The following KCNA2 variants were observed in gnomAD, a reference collection of about 807,000 sequenced individuals.
KCNA2 encodes the protein potassium voltage-gated channel subfamily A member 2.
In KCNA2, 11 loss-of-function variants were observed where a neutral mutation model predicts 33.4. That is an observed-to-expected ratio of 0.33 (90% CI 0.21 to 0.55). The LOEUF (loss-of-function observed/expected upper bound fraction) is 0.55, where lower values mean the gene tolerates loss of function less well. Among genes scored for constraint, KCNA2 ranks in the 20% least tolerant of loss-of-function variants. The probability of loss-of-function intolerance (pLI) is 0.93; values close to 1 mark genes in which losing one functional copy is unlikely to be tolerated. For synonymous variants in KCNA2, 222 were observed against 231.3 expected (o/e 0.96, Z 0.37); for missense variants, 291 against 621.6 (o/e 0.47, Z 5.66).
intron 1 of KCNA2, among the ~76,000 whole-genome samples, chr1:110,615,597 C>A (rs1049555563): frequency 7.9e-5 from 12 of 152,216 alleles, no homozygotes; most frequent in African/African-American, 2.9e-4. Flanking sequence ...TAAAGGCAAT[C>A]CCTTGGCACT....
Position 110,600,578 on chromosome 1 carries a change from G to A in KCNA2, c.*2705C>T. ...TGTTTTATGTTTGTGTGTGACAACA[G>A]TGTACCTATTTTGTGGTGAATGTGC... On this transcript the variant is annotated 3_prime_UTR_variant, in exon 3 of 3. Transcript: ENST00000316361. 1 of 985,362 alleles carries A rather than the reference G, an allele frequency of 1.0e-6. No homozygotes were observed. Among genetic ancestry groups the A allele is most frequent in the Non-Finnish European group, 1.2e-6 (1 of 829,926 alleles). 61.0% of individuals were successfully genotyped at this position (985,362 alleles called of 1,614,324 possible).
Position 110,599,159 on chromosome 1 carries a change from GGAGT to G in KCNA2, c.*4120_*4123del. 1 of 985,470 alleles carries G rather than the reference GGAGT, an allele frequency of 1.0e-6. No homozygotes were observed. The highest frequency in any genetic ancestry group is 1.2e-6 in the Non-Finnish European group (1 of 829,960). 61.0% of individuals were successfully genotyped at this position (985,470 alleles called of 1,614,324 possible). On this transcript the variant is annotated 3_prime_UTR_variant, in exon 3 of 3. Coordinates refer to ENST00000316361, the MANE Select transcript of KCNA2 (RefSeq NM_004974.4). Reference sequence around the variant, plus strand: ...GGGATGGCTGCAGGAGCAGAAATCAGGAGTGAGGCCTGATCCAAAGCCTGACTGC... The same window carrying G: ...GGGATGGCTGCAGGAGCAGAAATCAGGAGGCCTGATCCAAAGCCTGACTGC...
Position 110,603,622 on chromosome 1 carries a change from T to C in KCNA2, c.1161A>G (p.Gly387=). Residue 387 remains glycine, a synonymous_variant, in exon 3 of 3, where the codon GGA becomes GGG. Coordinates refer to ENST00000316361, the MANE Select transcript of KCNA2 (RefSeq NM_004974.4). The surrounding 1 kb of genome is among the most constrained non-coding windows in gnomAD (Gnocchi z 5.7). ...TCGCACATAGGGAACCCACTATCTT[T>C]CCCCCAATGGTAGTCGGAACCATGT... ...YGDMVPTTIG[G]KIVGSLCAIA... is the part of the protein sequence containing the mutation. The C allele has an allele frequency of 1.2e-6, 2 of 1,614,000 alleles. No individual in the cohort carries two copies. The highest frequency in any genetic ancestry group is 1.7e-6 in the Non-Finnish European group (2 of 1,180,010).
chr1:110,621,678 C>A (rs1249967947), intron 1 of KCNA2, among the ~76,000 whole-genome samples: 3 of 152,030 alleles, frequency 2.0e-5, no homozygotes. Flanking sequence ...CTCTACAGAC[C>A]TCAAAAGGAC....
chr1:110,623,962 C>T (rs754853501), intron 1 of KCNA2, among the ~76,000 whole-genome samples: 4 of 150,224 alleles, frequency 2.7e-5, no homozygotes, highest in Non-Finnish European at 5.9e-5. Context: ...TATCACTACA[C>T]ACTACAAAAC....
chr1:110,614,724 A>G (rs1052922349), intron 1 of KCNA2, among the ~76,000 whole-genome samples: 6 of 152,158 alleles, frequency 3.9e-5, no homozygotes, highest in African/African-American at 1.2e-4. Context: ...AAGCAGATGA[A>G]TGCATATACC....
At chr1:110,620,900 C>T (rs1319748710) in intron 1 of KCNA2, among the ~76,000 whole-genome samples, 2 of 152,148 alleles carry the variant, frequency 1.3e-5, no homozygotes, top group Non-Finnish European at 2.9e-5. Context: ...TTGTAACAAC[C>T]AACATAGCTT....
In KCNA2 at chr1:110,599,218, T is replaced by G; in HGVS notation, c.*4065A>C. The G allele has an allele frequency of 2.0e-6, 2 of 985,446 alleles. No individual in the cohort carries two copies. Among genetic ancestry groups the G allele is most frequent in the Non-Finnish European group, 2.4e-6 (2 of 829,942 alleles). The allele number at this position is 985,446 out of a possible 1,614,324, so 61.0% of individuals were successfully genotyped here. On this transcript the variant is annotated 3_prime_UTR_variant, in exon 3 of 3. Transcript: ENST00000316361. ...CTTTACTTCCGATGTAGGTGAAGCC[T>G]TTGCTAAAATGCACTCAGCTCTCAG...
At chr1:110,607,077 C>G (rs1212409016), upstream of KCNA2, among the ~76,000 whole-genome samples, 1 of 152,100 alleles carries the variant, frequency 6.6e-6, no homozygotes, top group Non-Finnish European at 1.5e-5. Flanking sequence ...TTGATCTCCC[C>G]GGTCTGGGAC....
rs1374000020 is a variant in KCNA2 at position 110,594,003 on chromosome 1, G to A, written c.*9280C>T. On this transcript the variant is annotated 3_prime_UTR_variant, in exon 3 of 3. Coordinates refer to ENST00000316361, the MANE Select transcript of KCNA2 (RefSeq NM_004974.4). ...GAGTCTTCCCCGCAAGTCCTGCTCC[G>A]CCTTCAGCTCTCATTGGTCCCCAGC... 13 of 1,543,202 alleles carry A rather than the reference G, an allele frequency of 8.4e-6. No individual in the cohort carries two copies. The highest frequency in any genetic ancestry group is 2.5e-5 in the East Asian group (1 of 40,544).
Position 110,604,703 on chromosome 1 carries a change from G to T in KCNA2, c.80C>A (p.Ala27Glu). Residue 27 changes from alanine (A) to glutamate (E), a missense_variant, in exon 3 of 3, where the codon GCA becomes GAA. Ala to Glu is a moderately radical substitution (Grantham distance 107, BLOSUM62 -1). This residue lies in a region of KCNA2 where 163 missense variants were observed against 273.5 expected (regional missense o/e 0.60). Coordinates refer to ENST00000316361, the MANE Select transcript of KCNA2 (RefSeq NM_004974.4). This position sits in a 1 kb window ranked among gnomAD's most constrained non-coding sequence, Gnocchi z 7.6. The stretch of plus-strand genomic sequence containing the variant: ...CACCCTCTCACAGCACTCGTGGTCT[G>T]CCTCTGGGTCATAGGTGTCCTGTGG... Reference protein sequence around the residue: ...GHPQDTYDPEADHECCERVVI... With the variant: ...GHPQDTYDPEEDHECCERVVI... 1 of 1,614,164 alleles carries T rather than the reference G, an allele frequency of 6.2e-7. No homozygotes were observed. Among genetic ancestry groups the T allele is most frequent in the Non-Finnish European group, 8.5e-7 (1 of 1,180,030 alleles).
At chr1:110,615,338 G>T (rs1438666202) in intron 1 of KCNA2, among the ~76,000 whole-genome samples, 3 of 152,258 alleles carry the variant, frequency 2.0e-5, no homozygotes, top group Non-Finnish European at 2.9e-5. Context: ...GTAAACTCTT[G>T]TGTGGACAGG....
chr1:110,603,267 C>T lies in KCNA2; in HGVS notation c.*16G>A, dbSNP rs750156093. 3.3e-5 allele frequency: 53 copies of T among 1,584,358 alleles called. No homozygotes were observed. Among genetic ancestry groups the T allele is most frequent in the African/African-American group, 1.5e-4 (11 of 74,064 alleles). On this transcript the variant is annotated 3_prime_UTR_variant, in exon 3 of 3. Coordinates refer to ENST00000316361, the MANE Select transcript of KCNA2 (RefSeq NM_004974.4). This position sits in a 1 kb window ranked among gnomAD's most constrained non-coding sequence, Gnocchi z 5.7. ...CATTAGTTCCATTGAGCTGTGAGTA[C>T]GGTAATAGGTTTCAATCAGACATCA...
chr1:110,624,917 T>G (rs1478700943), intron 1 of KCNA2, among the ~76,000 whole-genome samples: 1 of 152,170 alleles, frequency 6.6e-6, no homozygotes, highest in African/African-American at 2.4e-5. Context: ...TGAAGATTCT[T>G]TATAGGTCCT....
intron 1 of KCNA2, among the ~76,000 whole-genome samples, chr1:110,621,465 G>A (rs1413205021): frequency 6.6e-6 from 1 of 152,094 alleles, no homozygotes; most frequent in African/African-American, 2.4e-5. Flanking sequence ...GAGAGCAAGT[G>A]AAACCCAAAA....
At chr1:110,628,378 T>A (rs561891344) in intron 1 of KCNA2, among the ~76,000 whole-genome samples, 28 of 152,238 alleles carry the variant, frequency 1.8e-4, no homozygotes, top group African/African-American at 6.0e-4. Context: ...GAAACGCCAT[T>A]CATCTTGTTA....
Position 110,631,264 on chromosome 1 carries a change from G to A in KCNA2, c.-496+131C>T, listed in dbSNP as rs2640504. On this transcript the variant is annotated intron_variant, in intron 1 of 4. Transcript: ENST00000369770. ...TTGAGGTGTCTCCCCATCGCAGCTC[G>A]CCTCACTCTTTGCTGCACCCCAGCA... 130,191 of 152,410 alleles carry A rather than the reference G, an allele frequency of 0.85. 55,861 individuals carry two copies. Among genetic ancestry groups the A allele is most frequent in the Non-Finnish European group, 0.89 (60,710 of 68,226 alleles). The allele number at this position is 152,410 out of a possible 1,614,324, so 9.4% of individuals were successfully genotyped here.
chr1:110,618,582 A>G (rs1172985236), intron 1 of KCNA2, among the ~76,000 whole-genome samples: 1 of 152,146 alleles, frequency 6.6e-6, no homozygotes, highest in Non-Finnish European at 1.5e-5. Flanking sequence ...CCACGAAAGG[A>G]ACATAAGGAG....
Position 110,598,918 on chromosome 1 carries a change from C to A in KCNA2, c.*4365G>T. 6.1e-6 allele frequency: 6 copies of A among 985,424 alleles called. No individual in the cohort carries two copies. The highest frequency in any genetic ancestry group is 7.2e-6 in the Non-Finnish European group (6 of 829,932). 61.0% of individuals were successfully genotyped at this position (985,424 alleles called of 1,614,324 possible). A position where few individuals can be genotyped will look rare whatever the true frequency, so the allele number is the denominator to read the frequency against. ...TGACAATCTCTCCACCTTTCCTGGG[C>A]CTATTCCTTTTCGGTCTCCTGAAAA... On this transcript the variant is annotated 3_prime_UTR_variant, in exon 3 of 3. Coordinates refer to ENST00000316361, the MANE Select transcript of KCNA2 (RefSeq NM_004974.4).
Sources: gnomAD v4.1 joint callset for allele counts (sites outside exome capture counted in the v4.1 genomes callset) on GRCh38, gnomAD v4.1.1 for gene constraint, gnomAD v4.1.1 regional missense constraint, Gnocchi (gnomAD v3.1) non-coding constraint, MANE v1.5 for transcripts, NCBI Gene and HGNC (gene_info 2026-07-23, HGNC 2026-07-21) for gene names.